KCNH1: variants seen among roughly 807,000 people sequenced by gnomAD.
KCNH1 encodes the protein voltage-gated delayed rectifier potassium channel KCNH1.
A neutral mutation model predicts 69.2 loss-of-function variants in KCNH1; 27 were observed. That is an observed-to-expected ratio of 0.39 (90% CI 0.29 to 0.54). The LOEUF (loss-of-function observed/expected upper bound fraction) is 0.54. KCNH1 is among the 20% of genes least tolerant of loss of function. KCNH1 has a pLI of 0.68. For missense variants in KCNH1, 798 were observed against 1,261.6 expected (o/e 0.63, Z 5.57); for synonymous variants, 456 against 487.7 (o/e 0.93, Z 0.86).
intron 7 of KCNH1, among the ~76,000 whole-genome samples, chr1:210,886,117 G>A (rs973496247): frequency 1.3e-5 from 2 of 152,156 alleles, no homozygotes; most frequent in Non-Finnish European, 2.9e-5. Context: ...CTCCCAGCAG[G>A]GGTCCACAGA....
At position 210,683,829 on chromosome 1, in the gene KCNH1, C is replaced by T. The variant is rs762505985; in HGVS notation, c.2422G>A (p.Val808Met). ...VSFQAASTSG[V>M]PDHAKLQAPG... The stretch of plus-strand genomic sequence containing the variant: ...GCCTGTAGCTTTGCGTGGTCTGGCA[C>T]CCCGGAGGTGGAGGCTGCCTGGAAG... The change falls in exon 11 of 11, where the codon GTG (valine) becomes ATG (methionine). Residue 808 changes from valine (V) to methionine (M), a missense_variant. Val to Met is a conservative substitution (Grantham distance 21, BLOSUM62 1). Coordinates refer to ENST00000271751, the MANE Select transcript of KCNH1 (RefSeq NM_172362.3). This position sits in a 1 kb window ranked among gnomAD's most constrained non-coding sequence, Gnocchi z 5.7. The T allele has an allele frequency of 3.1e-6, 5 of 1,613,958 alleles. No individual in the cohort carries two copies. The highest frequency in any genetic ancestry group is 4.2e-6 in the Non-Finnish European group (5 of 1,180,048).
chr1:210,994,465 G>A (rs995816383), intron 6 of KCNH1, among the ~76,000 whole-genome samples: 1 of 152,100 alleles, frequency 6.6e-6, no homozygotes, highest in Non-Finnish European at 1.5e-5. Context: ...GAATATTGTA[G>A]GAATGCAAAA....
chr1:210,819,614 AC>A (rs1352385137), intron 7 of KCNH1, among the ~76,000 whole-genome samples: 1 of 151,962 alleles, frequency 6.6e-6, no homozygotes, highest in East Asian at 1.9e-4. Context: ...GAAAAAAAAA[AC>A]AGCATTCAAT....
At chr1:210,776,736 T>C (rs1282253062) in intron 9 of KCNH1, among the ~76,000 whole-genome samples, 1 of 152,162 alleles carries the variant, frequency 6.6e-6, no homozygotes, top group Non-Finnish European at 1.5e-5. Context: ...TATTTTGTTA[T>C]AGAAGCCCAA....
chr1:210,746,767 GA>G (rs1683171137), intron 10 of KCNH1, among the ~76,000 whole-genome samples: 1 of 152,004 alleles, frequency 6.6e-6, no homozygotes, highest in Non-Finnish European at 1.5e-5. Context: ...GGCTGGTCTT[GA>G]ACTCCTGACC....
At chr1:210,959,223 T>C (rs1290160557) in intron 6 of KCNH1, among the ~76,000 whole-genome samples, 1 of 152,202 alleles carries the variant, frequency 6.6e-6, no homozygotes. Flanking sequence ...AGACCCTGTA[T>C]GCCTGAGTAT....
intron 9 of KCNH1, among the ~76,000 whole-genome samples, chr1:210,786,820 C>A (rs980902878): frequency 2.6e-5 from 4 of 152,164 alleles, no homozygotes; most frequent in Non-Finnish European, 5.9e-5. Context: ...TTTTCTCCTG[C>A]TCATCTTCAT....
At chr1:211,022,644 T>A (rs921680082) in intron 5 of KCNH1, among the ~76,000 whole-genome samples, 1 of 152,074 alleles carries the variant, frequency 6.6e-6, no homozygotes, top group Non-Finnish European at 1.5e-5. Context: ...ATAATGTGAT[T>A]TAAAAATGAG....
chr1:210,714,322 G>A (rs17016761), intron 10 of KCNH1, among the ~76,000 whole-genome samples: 3,395 of 152,288 alleles, frequency 0.022, 106 homozygotes, highest in African/African-American at 0.073. Context: ...TCAATGTTTC[G>A]AGGTAGACAA....
At chr1:211,028,359 A>C (rs1207653940) in intron 5 of KCNH1, among the ~76,000 whole-genome samples, 1 of 151,940 alleles carries the variant, frequency 6.6e-6, no homozygotes, top group Admixed American at 6.6e-5. Context: ...CTAAGACAAA[A>C]AGTCTTAAAT....
chr1:210,879,858 C>CA (rs769370957), intron 7 of KCNH1, among the ~76,000 whole-genome samples: 1 of 151,754 alleles, frequency 6.6e-6, no homozygotes, highest in Non-Finnish European at 1.5e-5. Flanking sequence ...AAAGAACTGA[C>CA]AAAAAAATCT....
chr1:210,722,960 C>A (rs568720380), intron 10 of KCNH1, among the ~76,000 whole-genome samples: 22 of 152,270 alleles, frequency 1.4e-4, no homozygotes, highest in Non-Finnish European at 2.6e-4. Flanking sequence ...GCTTCCCGTT[C>A]CTGACAGACC....
intron 7 of KCNH1, among the ~76,000 whole-genome samples, chr1:210,842,557 A>T (rs1323652907): frequency 3.3e-5 from 5 of 152,188 alleles, no homozygotes; most frequent in African/African-American, 1.2e-4. Context: ...ACAGGGTTAG[A>T]TCCTTTAATC....
intron 10 of KCNH1, among the ~76,000 whole-genome samples, chr1:210,733,947 TCTCACACACACACACACACACACA>T (rs1452691956): frequency 3.5e-5 from 5 of 142,086 alleles, no homozygotes; most frequent in East Asian, 2.0e-4. Context: ...TGTCTGTCTG[TCTCACACACACACACACACACACA>T]CACACACACA....
intron 5 of KCNH1, among the ~76,000 whole-genome samples, chr1:211,054,667 G>T (rs1400144328): frequency 6.6e-6 from 1 of 152,142 alleles, no homozygotes; most frequent in Non-Finnish European, 1.5e-5. Flanking sequence ...TAAATACTGA[G>T]GTCCTTGTTT....
At chr1:211,012,060 A>G (rs1689404948) in intron 6 of KCNH1, among the ~76,000 whole-genome samples, 1 of 152,218 alleles carries the variant, frequency 6.6e-6, no homozygotes, top group Admixed American at 6.5e-5. Context: ...CACAGGAGTG[A>G]AAACTACTGT....
intron 10 of KCNH1, among the ~76,000 whole-genome samples, chr1:210,768,077 T>C (rs79158922): frequency 0.027 from 4,108 of 152,300 alleles, 196 homozygotes; most frequent in African/African-American, 0.093. Flanking sequence ...ATTTTCTGTT[T>C]AGGAGATTTC....
intron 7 of KCNH1, among the ~76,000 whole-genome samples, chr1:210,882,552 C>T (rs1413304020): frequency 6.6e-6 from 1 of 152,132 alleles, no homozygotes; most frequent in Non-Finnish European, 1.5e-5. Flanking sequence ...AGAACAGGCT[C>T]ACATGACAAA....
At chr1:210,996,381 C>T (rs1689038128) in intron 6 of KCNH1, among the ~76,000 whole-genome samples, 1 of 152,208 alleles carries the variant, frequency 6.6e-6, no homozygotes. Context: ...GAGTCTCGCT[C>T]ATTGCTAGCA....
Sources: gnomAD v4.1 joint callset for allele counts (sites outside exome capture counted in the v4.1 genomes callset) on GRCh38, gnomAD v4.1.1 for gene constraint, Gnocchi (gnomAD v3.1) non-coding constraint, MANE v1.5 for transcripts, NCBI Gene and HGNC (gene_info 2026-07-23, HGNC 2026-07-21) for gene names.